ZNF33B: variants seen among roughly 807,000 people sequenced by gnomAD.
The protein encoded by ZNF33B is zinc finger protein 33B, also known as zinc finger protein 11b (KOX 2).
ZNF33B carries 29 observed loss-of-function variants against 45.8 expected under a neutral mutation model. The observed-to-expected ratio is 0.63, with a 90% CI of 0.47 to 0.86. The LOEUF is 0.86. ZNF33B is among the 40% of genes least tolerant of loss of function. The probability of loss-of-function intolerance (pLI) is 0.00; values close to 1 mark genes in which losing one functional copy is unlikely to be tolerated. For synonymous variants in ZNF33B, 305 were observed against 307.8 expected (o/e 0.99, Z 0.10); for missense variants, 831 against 909.9 (o/e 0.91, Z 1.12).
chr10:42,591,319 G>A lies in ZNF33B; in HGVS notation c.*1294C>T. ...TATCACTTACGCTGAAGGCTGGAGTGTTCACATATGTACCCCAGGCAGTTC... is the reference window on the plus strand; with the variant it reads ...TATCACTTACGCTGAAGGCTGGAGTATTCACATATGTACCCCAGGCAGTTC... On this transcript the variant is annotated 3_prime_UTR_variant, in exon 5 of 5. Coordinates refer to ENST00000359467, the MANE Select transcript of ZNF33B (RefSeq NM_006955.3). 4.1e-6 allele frequency: 3 copies of A among 731,214 alleles called. No individual in the cohort carries two copies. Among genetic ancestry groups the A allele is most frequent in the Non-Finnish European group, 5.0e-6 (3 of 598,364 alleles). The allele number at this position is 731,214 out of a possible 1,614,324, so 45.3% of individuals were successfully genotyped here.
At chr10:42,623,184 T>G (rs1445113684) in intron 4 of ZNF33B, among the ~76,000 whole-genome samples, 4 of 152,182 alleles carry the variant, frequency 2.6e-5, no homozygotes, top group African/African-American at 7.2e-5. Flanking sequence ...GGAGAATCAC[T>G]TGAACACAGG....
intron 4 of ZNF33B, among the ~76,000 whole-genome samples, chr10:42,606,144 A>G (rs1837838973): frequency 6.9e-6 from 1 of 145,692 alleles, no homozygotes; most frequent in South Asian, 2.1e-4. Flanking sequence ...TAATAAAGCA[A>G]AAAAAAAAAA....
At chr10:42,600,582 C>T (rs966960468) in intron 4 of ZNF33B, among the ~76,000 whole-genome samples, 1 of 152,128 alleles carries the variant, frequency 6.6e-6, no homozygotes, top group Non-Finnish European at 1.5e-5. Context: ...CCTTTATAGG[C>T]AGCATGATTG....
chr10:42,628,162 T>C (rs527970186), intron 4 of ZNF33B, among the ~76,000 whole-genome samples: 2 of 152,308 alleles, frequency 1.3e-5, no homozygotes, highest in Admixed American at 1.3e-4. Flanking sequence ...ACTACAGGCA[T>C]GCGCCACCAT....
At chr10:42,637,466 C>T (rs1246575592) in intron 1 of ZNF33B, among the ~76,000 whole-genome samples, 1 of 152,128 alleles carries the variant, frequency 6.6e-6, no homozygotes, top group Non-Finnish European at 1.5e-5. Flanking sequence ...GTTGCTATTT[C>T]TCAAAAGGAT....
intron 1 of ZNF33B, among the ~76,000 whole-genome samples, chr10:42,577,425 C>T (rs549276030): frequency 5.8e-4 from 89 of 152,302 alleles, no homozygotes; most frequent in Non-Finnish European, 9.3e-4. Flanking sequence ...TCCCCTGTGA[C>T]CTCCTCACTT....
chr10:42,613,801 G>C (rs1838197647), intron 4 of ZNF33B, among the ~76,000 whole-genome samples: 1 of 152,200 alleles, frequency 6.6e-6, no homozygotes, highest in Non-Finnish European at 1.5e-5. Context: ...TGTCAGCTGA[G>C]ACAGCCACAC....
At chr10:42,614,240 A>G (rs1270580796) in intron 4 of ZNF33B, 2 of 154,960 alleles carry the variant, frequency 1.3e-5, no homozygotes, top group African/African-American at 2.4e-5. Context: ...TTATCTTGAG[A>G]AAAACATTAG....
rs1589022157 is a variant in ZNF33B at position 42,592,974 on chromosome 10, T to C, written c.1976A>G (p.His659Arg). ...KSALIVHQRT[H>R]TQEKPYKCNE... is the part of the protein sequence containing the mutation. ...ACATTTATAAGGCTTTTCTTGTGTATGGGTTCTCTGATGTACAATTAGAGC... is the reference window on the plus strand; with the variant it reads ...ACATTTATAAGGCTTTTCTTGTGTACGGGTTCTCTGATGTACAATTAGAGC... Residue 659 changes from histidine to arginine, a missense_variant, in exon 5 of 5, where the codon CAT becomes CGT. Physicochemically the swap from His to Arg is conservative, Grantham distance 29. Coordinates refer to ENST00000359467, the MANE Select transcript of ZNF33B (RefSeq NM_006955.3). 1.2e-6 allele frequency: 2 copies of C among 1,613,996 alleles called. No homozygotes were observed. Among genetic ancestry groups the C allele is most frequent in the Non-Finnish European group, 8.5e-7 (1 of 1,179,968 alleles).
intron 4 of ZNF33B, among the ~76,000 whole-genome samples, chr10:42,610,718 G>C (rs1445863485): frequency 1.3e-5 from 2 of 152,242 alleles, no homozygotes; most frequent in Non-Finnish European, 1.5e-5. Flanking sequence ...TGGTTAAGAT[G>C]GCAATAACTG....
At chr10:42,630,589 T>C (rs535812583) in intron 4 of ZNF33B, among the ~76,000 whole-genome samples, 30 of 152,330 alleles carry the variant, frequency 2.0e-4, no homozygotes, top group African/African-American at 7.2e-4. Flanking sequence ...TCTTTTGTTA[T>C]TGCCCCACTT....
intron 4 of ZNF33B, among the ~76,000 whole-genome samples, chr10:42,614,677 C>T (rs1390959677): frequency 6.6e-6 from 1 of 152,026 alleles, no homozygotes; most frequent in Non-Finnish European, 1.5e-5. Flanking sequence ...AACATCAGTC[C>T]GGGAGCAGTG....
At chr10:42,584,867 GA>G (rs1483964835), downstream of ZNF33B, among the ~76,000 whole-genome samples, 2 of 152,148 alleles carry the variant, frequency 1.3e-5, no homozygotes, top group Non-Finnish European at 1.5e-5. Context: ...CAGAGTTTCA[GA>G]AATCACCATC....
chr10:42,578,563 A>G (rs1329190975), intron 1 of ZNF33B: 1 of 152,356 alleles, frequency 6.6e-6, no homozygotes, highest in Non-Finnish European at 1.5e-5. Flanking sequence ...TAGGACCTAC[A>G]CCACTGCATG....
In ZNF33B at chr10:42,593,576, T is replaced by C. The variant is rs140001885; in HGVS notation, c.1374A>G (p.Val458=). ...TCTCACCTGTGTGAGTTCTCTGGTG[T>C]ACTGTAAGGTGTGAATTCATACAGA... ...KSFCMNSHLT[V]HQRTHTGEKP... Residue 458 remains valine (V), a synonymous_variant, in exon 5 of 5, where the codon GTA becomes GTG. Transcript: ENST00000359467. 394 of 1,613,936 alleles carry C rather than the reference T, an allele frequency of 2.4e-4. No individual in the cohort carries two copies. Among genetic ancestry groups the C allele is most frequent in the Non-Finnish European group, 3.0e-4 (359 of 1,179,978 alleles).
intron 1 of ZNF33B, among the ~76,000 whole-genome samples, chr10:42,575,205 C>G (rs1836730557): frequency 6.6e-6 from 1 of 152,102 alleles, no homozygotes. Flanking sequence ...CTATCAGTGC[C>G]CTGGAGGTTG....
rs371397364 is a variant in ZNF33B at position 42,594,353 on chromosome 10, A to T, written c.597T>A (p.Thr199=). Residue 199 remains threonine (T), a synonymous_variant, in exon 5 of 5, where the codon ACT becomes ACA. Transcript: ENST00000359467. ...GCAAAGTGTTCTCACGATGACTCAG[A>T]GTGTTCCTATTTTTCAAAACTTCAT... is the stretch of plus-strand genomic sequence containing the variant. ...EKNEVLKNRN[T]LSHRENTLQH... is the part of the protein sequence containing the mutation. 4 of 1,613,792 alleles carry T rather than the reference A, an allele frequency of 2.5e-6. No homozygotes were observed. Among genetic ancestry groups the T allele is most frequent in the Non-Finnish European group, 3.4e-6 (4 of 1,179,894 alleles).
chr10:42,575,225 G>C (rs1836730875), intron 1 of ZNF33B, among the ~76,000 whole-genome samples: 2 of 152,222 alleles, frequency 1.3e-5, no homozygotes, highest in Non-Finnish European at 2.9e-5. Flanking sequence ...GGTGATTATG[G>C]ATCACTCAGG....
intron 4 of ZNF33B, among the ~76,000 whole-genome samples, chr10:42,624,107 C>T (rs1218236221): frequency 1.3e-5 from 2 of 152,202 alleles, no homozygotes; most frequent in Non-Finnish European, 2.9e-5. Context: ...TTCACATCGC[C>T]TTTCCTCTAC....
Sources: allele counts gnomAD v4.1 joint callset (sites outside exome capture counted in the v4.1 genomes callset), GRCh38; gene constraint gnomAD v4.1.1; transcripts MANE v1.5; gene names NCBI Gene and HGNC (gene_info 2026-07-23, HGNC 2026-07-21).